The following PPFIA2 variants were observed in gnomAD, a reference collection of about 807,000 sequenced individuals.
PPFIA2 encodes liprin-alpha-2.
In PPFIA2, 46 loss-of-function variants were observed where a neutral mutation model predicts 175.5. The ratio of observed to expected loss-of-function variants is 0.26; its 90% CI spans 0.21 to 0.34. The LOEUF (loss-of-function observed/expected upper bound fraction) is 0.34. Among genes scored for constraint, PPFIA2 ranks in the 10% least tolerant of loss-of-function variants. PPFIA2 has a pLI of 1.00. For synonymous variants in PPFIA2, 568 were observed against 511.4 expected, an observed-to-expected ratio of 1.11 and a Z score of -1.49; for missense variants, 1,179 against 1,506.1, an observed-to-expected ratio of 0.78 and a Z score of 3.60.
intron 8 of PPFIA2, among the ~76,000 whole-genome samples, chr12:81,401,325 A>G (rs974763563): frequency 6.6e-6 from 1 of 152,170 alleles, no homozygotes; most frequent in Non-Finnish European, 1.5e-5. Flanking sequence ...TTCATTGAAT[A>G]TAGTGTTTCT....
chr12:81,526,055 C>T (rs1222306482), intron 4 of PPFIA2, among the ~76,000 whole-genome samples: 1 of 152,030 alleles, frequency 6.6e-6, no homozygotes, highest in Non-Finnish European at 1.5e-5. Context: ...TTGATGAATC[C>T]TTTTTTCCTT....
At chr12:81,393,072 T>C (rs2040448241) in intron 8 of PPFIA2, among the ~76,000 whole-genome samples, 1 of 152,044 alleles carries the variant, frequency 6.6e-6, no homozygotes, top group Admixed American at 6.6e-5. Flanking sequence ...TTTTCATTCT[T>C]ATAGCAGTCA....
At chr12:81,715,545 CT>C (rs913721590) in intron 3 of PPFIA2, among the ~76,000 whole-genome samples, 15 of 151,664 alleles carry the variant, frequency 9.9e-5, no homozygotes, top group African/African-American at 2.9e-4. Flanking sequence ...TTTTTCTCAG[CT>C]TTTTTCCCCC....
chr12:81,515,231 G>T (rs958653318), intron 4 of PPFIA2, among the ~76,000 whole-genome samples: 1 of 151,850 alleles, frequency 6.6e-6, no homozygotes, highest in African/African-American at 2.4e-5. Context: ...GTAATGGGGG[G>T]TACAAGGTTA....
intron 5 of PPFIA2, among the ~76,000 whole-genome samples, chr12:81,447,081 G>A (rs908241955): frequency 1.3e-5 from 2 of 151,962 alleles, no homozygotes; most frequent in African/African-American, 2.4e-5. Context: ...GGCAGATCAC[G>A]AGGTCAGGAG....
At chr12:81,703,975 T>A (rs1055775785) in intron 3 of PPFIA2, among the ~76,000 whole-genome samples, 4 of 152,196 alleles carry the variant, frequency 2.6e-5, no homozygotes, top group African/African-American at 4.8e-5. Context: ...ATTTGTTCCT[T>A]CATTGAATTA....
At chr12:81,495,341 T>C (rs1185814891) in intron 4 of PPFIA2, among the ~76,000 whole-genome samples, 1 of 152,044 alleles carries the variant, frequency 6.6e-6, no homozygotes, top group East Asian at 1.9e-4. Flanking sequence ...CCATTTTACA[T>C]GAATAAAAAA....
At chr12:81,354,714 G>T (rs1394331777) in intron 16 of PPFIA2, among the ~76,000 whole-genome samples, 1 of 151,982 alleles carries the variant, frequency 6.6e-6, no homozygotes, top group Non-Finnish European at 1.5e-5. Flanking sequence ...CTTGATCTCG[G>T]CTCACTGCAA....
intron 4 of PPFIA2, among the ~76,000 whole-genome samples, chr12:81,469,354 G>C (rs1291973121): frequency 6.6e-6 from 1 of 152,170 alleles, no homozygotes; most frequent in South Asian, 2.1e-4. Flanking sequence ...GTGTACAATG[G>C]TGAAAAAGAC....
At chr12:81,568,277 C>G (rs1458677483) in intron 4 of PPFIA2, among the ~76,000 whole-genome samples, 1 of 152,158 alleles carries the variant, frequency 6.6e-6, no homozygotes, top group African/African-American at 2.4e-5. Flanking sequence ...TGAAAAAGGA[C>G]AAGAGTCAGA....
At chr12:81,312,196 G>A in intron 22 of PPFIA2, 1 of 1,531,760 alleles carries the variant, frequency 6.5e-7, no homozygotes, top group South Asian at 1.2e-5. Context: ...AAGGACGGAT[G>A]GAAAAGAAAA....
intron 4 of PPFIA2, among the ~76,000 whole-genome samples, chr12:81,657,734 T>C (rs951523406): frequency 6.6e-6 from 1 of 152,214 alleles, no homozygotes; most frequent in Non-Finnish European, 1.5e-5. Flanking sequence ...GTCTGTAGAA[T>C]TGAAATACCT....
intron 4 of PPFIA2, among the ~76,000 whole-genome samples, chr12:81,588,959 C>T (rs1440424002): frequency 6.6e-6 from 1 of 152,072 alleles, no homozygotes; most frequent in Admixed American, 6.6e-5. Context: ...TAGCTAGGTA[C>T]AAGTGAAATA....
chr12:81,421,304 C>T (rs957870974), intron 7 of PPFIA2, among the ~76,000 whole-genome samples: 3 of 151,970 alleles, frequency 2.0e-5, no homozygotes, highest in African/African-American at 4.8e-5. Context: ...GTATAAATTA[C>T]TTTTAATCCT....
chr12:81,587,496 C>T (rs2075453782), intron 4 of PPFIA2, among the ~76,000 whole-genome samples: 2 of 151,648 alleles, frequency 1.3e-5, no homozygotes, highest in South Asian at 4.2e-4. Flanking sequence ...TTCTTTATAC[C>T]AGTGTGAAAA....
chr12:81,667,797 ACC>A (rs2070639476), intron 4 of PPFIA2, among the ~76,000 whole-genome samples: 1 of 151,928 alleles, frequency 6.6e-6, no homozygotes, highest in Non-Finnish European at 1.5e-5. Context: ...ACAGCCCACC[ACC>A]AAAATTTAAG....
chr12:81,652,419 A>G (rs2067161092), intron 4 of PPFIA2, among the ~76,000 whole-genome samples: 1 of 151,858 alleles, frequency 6.6e-6, no homozygotes. Context: ...CTAAAGACCC[A>G]GAAATCTCAG....
intron 3 of PPFIA2, among the ~76,000 whole-genome samples, chr12:81,687,835 TA>T (rs1304000706): frequency 1.3e-5 from 2 of 151,842 alleles, no homozygotes; most frequent in Admixed American, 1.3e-4. Flanking sequence ...CAATATTAAT[TA>T]TTATTATTCA....
intron 28 of PPFIA2, among the ~76,000 whole-genome samples, chr12:81,274,555 A>C (rs2040016391): frequency 6.6e-6 from 1 of 151,918 alleles, no homozygotes; most frequent in African/African-American, 2.4e-5. Flanking sequence ...CTTTCCATAA[A>C]TCTGTTTCCA....
Sources: allele counts gnomAD v4.1 joint callset (sites outside exome capture counted in the v4.1 genomes callset), GRCh38; gene constraint gnomAD v4.1.1; transcripts MANE v1.5; gene names NCBI Gene and HGNC (gene_info 2026-07-23, HGNC 2026-07-21).